RGS6: variants seen among roughly 807,000 people sequenced by gnomAD.
RGS6 encodes the protein regulator of G protein signaling 6, also known as regulator of G-protein signaling 6.
In RGS6, 30 loss-of-function variants were observed where a neutral mutation model predicts 78.5. The ratio of observed to expected loss-of-function variants is 0.38; its 90% confidence interval spans 0.29 to 0.52. The LOEUF (loss-of-function observed/expected upper bound fraction) is 0.52. Ranked by LOEUF, RGS6 falls within the 20% of genes least tolerant of loss-of-function variation. RGS6 has a pLI of 0.85. For missense variants in RGS6, 495 were observed against 609.7 expected, an observed-to-expected ratio of 0.81 and a Z score of 1.98; for synonymous variants, 206 against 206.0, an observed-to-expected ratio of 1.00 and a Z score of 0.00.
Position 72,285,684 on chromosome 14 carries a change from T to G in RGS6, c.85-66411T>G, listed in dbSNP as rs78731017. ...GTTTCTTTACATCCTTGCCAGCACTTGTCTTTTTGATAATAGTCATCCTAA... is the reference window on the plus strand; with the variant it reads ...GTTTCTTTACATCCTTGCCAGCACTGGTCTTTTTGATAATAGTCATCCTAA... On this transcript the variant is annotated intron_variant, in intron 2 of 17. Coordinates refer to ENST00000553525, the MANE Select transcript of RGS6 (RefSeq NM_001204424.2). 9.1e-3 allele frequency among the ~76,000 whole-genome samples: 1,391 copies of G among 152,262 alleles called. 25 individuals carry two copies. Among genetic ancestry groups the G allele is most frequent in the African/African-American group, 0.032 (1,337 of 41,570 alleles).
At chr14:72,149,784 C>T (rs764058222) in intron 2 of RGS6, among the ~76,000 whole-genome samples, 1 of 152,074 alleles carries the variant, frequency 6.6e-6, no homozygotes, top group East Asian at 1.9e-4. Context: ...TCATATATCT[C>T]CAAATTTAAA....
At chr14:72,240,411 A>T (rs1359100183) in intron 2 of RGS6, among the ~76,000 whole-genome samples, 2 of 152,138 alleles carry the variant, frequency 1.3e-5, no homozygotes, top group African/African-American at 4.8e-5. Context: ...TTTCATTTGG[A>T]TGGAGAGCCA....
At chr14:71,986,854 T>C (rs983741873) in intron 2 of RGS6, among the ~76,000 whole-genome samples, 1 of 152,218 alleles carries the variant, frequency 6.6e-6, no homozygotes. Context: ...TTCTAGAGGC[T>C]GCCTACATTC....
At chr14:71,968,490 G>C (rs758857228) in intron 2 of RGS6, among the ~76,000 whole-genome samples, 1 of 152,140 alleles carries the variant, frequency 6.6e-6, no homozygotes, top group Non-Finnish European at 1.5e-5. Context: ...CCAAGCTCTT[G>C]TCATAGGGAT....
chr14:72,439,681 G>A lies in RGS6; in HGVS notation c.185-14847G>A, dbSNP rs191596068. Among the ~76,000 whole-genome samples, 426 of 152,238 alleles carry A rather than the reference G, an allele frequency of 2.8e-3. 2 individuals are homozygous for A. The highest frequency in any genetic ancestry group is 9.9e-3 in the African/African-American group (411 of 41,548). On this transcript the variant is annotated intron_variant, in intron 3 of 17. Coordinates refer to ENST00000553525, the MANE Select transcript of RGS6 (RefSeq NM_001204424.2). Reference sequence around the variant, plus strand: ...CTTCTTACCTGCCTCTGTGCCTCACGGGCTGTCACTACAGCTGCCTCAGTA... The same window carrying A: ...CTTCTTACCTGCCTCTGTGCCTCACAGGCTGTCACTACAGCTGCCTCAGTA...
chr14:72,149,715 C>G (rs1357516977), intron 2 of RGS6, among the ~76,000 whole-genome samples: 1 of 152,148 alleles, frequency 6.6e-6, no homozygotes, highest in African/African-American at 2.4e-5. Context: ...AGGAATAATT[C>G]TACTTGCTGA....
chr14:72,459,739 G>A, intron 6 of RGS6, 56 bp downstream of exon 6: 4 of 1,557,714 alleles, frequency 2.6e-6, no homozygotes, highest in Non-Finnish European at 3.5e-6. Context: ...TCACTTCTGG[G>A]GGTGCAGAAG....
chr14:72,390,583 T>TCACA (rs149159412), intron 3 of RGS6, among the ~76,000 whole-genome samples: 5 of 151,500 alleles, frequency 3.3e-5, no homozygotes, highest in East Asian at 1.9e-4. Context: ...TGGGATACTT[T>TCACA]CACACACACA....
At chr14:72,385,801 G>A (rs1253160214) in intron 3 of RGS6, among the ~76,000 whole-genome samples, 1 of 152,148 alleles carries the variant, frequency 6.6e-6, no homozygotes, top group Non-Finnish European at 1.5e-5. Flanking sequence ...TTGCTATGGG[G>A]CAAGTGGGAA....
the RGS6 span, among the ~76,000 whole-genome samples, chr14:71,889,523 T>G: frequency 6.6e-6 from 1 of 152,194 alleles, no homozygotes; most frequent in Non-Finnish European, 1.5e-5. Flanking sequence ...GAAAAAGTCC[T>G]GTTGTGGAAA....
intron 3 of RGS6, among the ~76,000 whole-genome samples, chr14:72,445,027 G>T (rs1452010518): frequency 1.3e-5 from 2 of 152,248 alleles, no homozygotes; most frequent in Non-Finnish European, 2.9e-5. Context: ...GGGCCAGTGA[G>T]TGTCTCTCAG....
chr14:72,439,866 C>G (rs1294503162), intron 3 of RGS6, among the ~76,000 whole-genome samples: 1 of 152,234 alleles, frequency 6.6e-6, no homozygotes, highest in Admixed American at 6.5e-5. Context: ...TGTCCACCTT[C>G]TCCTAGAAAG....
chr14:72,072,135 G>A (rs910985862), intron 2 of RGS6, among the ~76,000 whole-genome samples: 1 of 152,192 alleles, frequency 6.6e-6, no homozygotes, highest in Non-Finnish European at 1.5e-5. Context: ...GGCAGGTGCT[G>A]TTGTTAAGCC....
At chr14:72,573,626 A>G in the RGS6 span, among the ~76,000 whole-genome samples, 71 of 152,230 alleles carry the variant, frequency 4.7e-4, no homozygotes, top group Non-Finnish European at 9.0e-4. Context: ...AATATCTCCT[A>G]TTCACTTCTT....
chr14:72,364,711 C>T (rs1363688681), intron 3 of RGS6, among the ~76,000 whole-genome samples: 1 of 152,212 alleles, frequency 6.6e-6, no homozygotes, highest in Non-Finnish European at 1.5e-5. Context: ...AACGTACTGT[C>T]CATACCTACA....
At chr14:72,260,872 C>G (rs2058037432) in intron 2 of RGS6, among the ~76,000 whole-genome samples, 1 of 152,212 alleles carries the variant, frequency 6.6e-6, no homozygotes, top group Admixed American at 6.5e-5. Context: ...TTGACAAGCT[C>G]AACTTCCACC....
At chr14:72,133,316 G>A (rs550106786) in intron 2 of RGS6, among the ~76,000 whole-genome samples, 92 of 151,814 alleles carry the variant, frequency 6.1e-4, no homozygotes, top group African/African-American at 2.2e-3. Context: ...GCTGTTTTAT[G>A]GATGTCAAGA....
intron 2 of RGS6, among the ~76,000 whole-genome samples, chr14:72,175,667 G>T (rs548810822): frequency 2.8e-4 from 42 of 152,174 alleles, no homozygotes; most frequent in Non-Finnish European, 5.3e-4. Flanking sequence ...ACAAATGAAC[G>T]CTCTAGTCAG....
intron 2 of RGS6, among the ~76,000 whole-genome samples, chr14:72,271,499 C>A (rs1267594147): frequency 1.3e-5 from 2 of 152,182 alleles, no homozygotes; most frequent in Non-Finnish European, 2.9e-5. Context: ...GGGCACACAG[C>A]CAAACCATAT....
Sources: gnomAD v4.1 joint callset for allele counts (sites outside exome capture counted in the v4.1 genomes callset) on GRCh38, gnomAD v4.1.1 for gene constraint, MANE v1.5 for transcripts, NCBI Gene and HGNC (gene_info 2026-07-23, HGNC 2026-07-21) for gene names.